SCAMP1: variants seen among roughly 807,000 people sequenced by gnomAD.
SCAMP1 encodes the protein secretory carrier-associated membrane protein 1.
Under a neutral mutation model 41.8 loss-of-function variants are expected in SCAMP1, and 15 were observed. The observed-to-expected ratio is 0.36, with a 90% CI of 0.24 to 0.55. The LOEUF is 0.55. SCAMP1 is among the 20% of genes least tolerant of loss of function. The probability of loss-of-function intolerance (pLI) is 0.86; values close to 1 mark genes in which losing one functional copy is unlikely to be tolerated. For missense variants in SCAMP1, 341 were observed against 412.6 expected (o/e 0.83, Z 1.50); for synonymous variants, 135 against 136.8 (o/e 0.99, Z 0.09).
chr5:78,397,695 T>C (rs948927617), intron 2 of SCAMP1, among the ~76,000 whole-genome samples: 1 of 152,132 alleles, frequency 6.6e-6, no homozygotes, highest in African/African-American at 2.4e-5. Context: ...CTGAGGTGGA[T>C]GGATCATTTG....
chr5:78,389,165 T>C lies in SCAMP1; in HGVS notation c.135+251T>C, dbSNP rs187521504. Reference sequence around the variant, plus strand: ...TTACAGATTAAATCACAATAATCTTTCTAAAATGTAAACTTTTCCACATTA... The same window carrying C: ...TTACAGATTAAATCACAATAATCTTCCTAAAATGTAAACTTTTCCACATTA... On this transcript the variant is annotated intron_variant, in intron 2 of 8. Coordinates refer to ENST00000621999, the MANE Select transcript of SCAMP1 (RefSeq NM_004866.6). 8.1e-4 allele frequency among the ~76,000 whole-genome samples: 123 copies of C among 152,380 alleles called. 1 individual carries two copies. The highest frequency in any genetic ancestry group is 1.5e-3 in the Non-Finnish European group (100 of 68,044).
intron 2 of SCAMP1, among the ~76,000 whole-genome samples, chr5:78,399,269 G>T (rs1173187026): frequency 6.6e-6 from 1 of 152,196 alleles, no homozygotes; most frequent in Non-Finnish European, 1.5e-5. Context: ...GAATAGAGCT[G>T]CTATAAATAA....
At chr5:78,440,078 A>T (rs935208981) in intron 6 of SCAMP1, among the ~76,000 whole-genome samples, 2 of 152,056 alleles carry the variant, frequency 1.3e-5, no homozygotes, top group African/African-American at 4.8e-5. Flanking sequence ...GGTCTTCTCT[A>T]TGCTGTTTAT....
intron 6 of SCAMP1, among the ~76,000 whole-genome samples, chr5:78,424,192 T>C (rs1250057519): frequency 1.3e-5 from 2 of 152,036 alleles, no homozygotes; most frequent in African/African-American, 4.8e-5. Context: ...GGAATACTTT[T>C]TATGGGGAAA....
chr5:78,440,434 G>T (rs1449774046), intron 6 of SCAMP1, among the ~76,000 whole-genome samples: 1 of 152,198 alleles, frequency 6.6e-6, no homozygotes, highest in Non-Finnish European at 1.5e-5. Flanking sequence ...TTAACAGTCA[G>T]GACTGTCAGC....
chr5:78,442,778 T>G (rs1357950308), intron 6 of SCAMP1, among the ~76,000 whole-genome samples: 2 of 152,264 alleles, frequency 1.3e-5, no homozygotes, highest in African/African-American at 4.8e-5. Context: ...TTCTCCTATA[T>G]ATAAGAAACA....
At position 78,366,856 on chromosome 5, in the gene SCAMP1, C is replaced by T. The variant is rs1367366038; in HGVS notation, c.57+6128C>T. Among the ~76,000 whole-genome samples the T allele has an allele frequency of 2.7e-5, 4 of 147,864 alleles. No individual in the cohort carries two copies. In the East Asian group the frequency reaches 7.9e-4, roughly 29 times the overall value. ...TAAAAGTTAGCTGGGTGTGGTGGTG[C>T]ACACCTGTAATCTAAGCTACTTGGG... is the stretch of plus-strand genomic sequence containing the variant. On this transcript the variant is annotated intron_variant, in intron 1 of 8. Transcript: ENST00000621999.
intron 2 of SCAMP1, among the ~76,000 whole-genome samples, chr5:78,408,157 G>T (rs1047618673): frequency 2.0e-5 from 3 of 152,176 alleles, no homozygotes; most frequent in Non-Finnish European, 4.4e-5. Flanking sequence ...TAATGGACTT[G>T]CAGTTCTACA....
chr5:78,371,794 G>T (rs1191064829), intron 1 of SCAMP1, among the ~76,000 whole-genome samples: 2 of 152,054 alleles, frequency 1.3e-5, no homozygotes, highest in African/African-American at 4.8e-5. Context: ...TTATTTTACA[G>T]AATACAGTTG....
At chr5:78,458,371 TATCTC>T (rs1382030030) in intron 7 of SCAMP1, among the ~76,000 whole-genome samples, 1 of 152,214 alleles carries the variant, frequency 6.6e-6, no homozygotes, top group Non-Finnish European at 1.5e-5. Context: ...TGTGTAGTGA[TATCTC>T]ATTGTGGTTT....
Position 78,475,487 on chromosome 5 carries a change from T to C in SCAMP1, c.853-17T>C, listed in dbSNP as rs376938874. 6 of 1,546,558 alleles carry C rather than the reference T, an allele frequency of 3.9e-6. No homozygotes were observed. The highest frequency in any genetic ancestry group is 1.4e-5 in the African/African-American group (1 of 72,312). Reference sequence around the variant, plus strand: ...AGGTTGCTACTTACCTTCTCCCACTTTTTTGTGCCTCTGTAGGTACATGGA... The same window carrying C: ...AGGTTGCTACTTACCTTCTCCCACTCTTTTGTGCCTCTGTAGGTACATGGA... On this transcript the variant is annotated splice_polypyrimidine_tract_variant and intron_variant, in intron 8 of 8. Coordinates refer to ENST00000621999, the MANE Select transcript of SCAMP1 (RefSeq NM_004866.6).
At position 78,475,717 on chromosome 5, in the gene SCAMP1, A is replaced by G. The variant is rs548633309; in HGVS notation, c.*49A>G. ...ACCTTTTGACTGTACCTTTTTCTCC[A>G]GTTACTGTATTCTACAAATATTTTT... On this transcript the variant is annotated 3_prime_UTR_variant, in exon 9 of 9. Coordinates refer to ENST00000621999, the MANE Select transcript of SCAMP1 (RefSeq NM_004866.6). The G allele has an allele frequency of 2.2e-6, 3 of 1,352,848 alleles. No individual in the cohort carries two copies. Among genetic ancestry groups the G allele is most frequent in the Admixed American group, 3.1e-5 (1 of 32,286 alleles). The allele number at this position is 1,352,848 out of a possible 1,614,324, so 83.8% of individuals were successfully genotyped here. A position where few individuals can be genotyped will look rare whatever the true frequency, so the allele number is the denominator to read the frequency against.
intron 7 of SCAMP1, among the ~76,000 whole-genome samples, chr5:78,454,574 A>C (rs1447212755): frequency 1.3e-5 from 2 of 151,844 alleles, no homozygotes; most frequent in Non-Finnish European, 2.9e-5. Flanking sequence ...GTGCTGCTGG[A>C]TTCGTTTTGC....
At chr5:78,404,559 T>C (rs924782788) in intron 2 of SCAMP1, among the ~76,000 whole-genome samples, 1 of 147,664 alleles carries the variant, frequency 6.8e-6, no homozygotes, top group Admixed American at 6.8e-5. Context: ...AGAAGCACTC[T>C]ATAGTCCTGT....
At chr5:78,457,537 C>A (rs562737994) in intron 7 of SCAMP1, among the ~76,000 whole-genome samples, 110 of 152,276 alleles carry the variant, frequency 7.2e-4, no homozygotes, top group African/African-American at 2.4e-3. Context: ...AGGCAGTCTG[C>A]CCGTTCTCAG....
At chr5:78,460,353 C>T (rs1044131341) in intron 8 of SCAMP1, among the ~76,000 whole-genome samples, 1 of 152,180 alleles carries the variant, frequency 6.6e-6, no homozygotes, top group African/African-American at 2.4e-5. Flanking sequence ...AGAAGTAGAA[C>T]AAATTTATAT....
At chr5:78,370,399 G>A (rs1012945743) in intron 1 of SCAMP1, among the ~76,000 whole-genome samples, 6 of 152,126 alleles carry the variant, frequency 3.9e-5, no homozygotes, top group African/African-American at 1.4e-4. Context: ...TTCCTACTGA[G>A]GCAGTCTGTA....
chr5:78,459,339 A>T lies in SCAMP1; in HGVS notation c.829A>T (p.Ile277Phe). The T allele has an allele frequency of 6.4e-7, 1 of 1,568,388 alleles. No homozygotes were observed. Reference sequence around the variant, plus strand: ...AGCACTTTTCACAGCATCAGCAGTCATCTCACTAGTTATGTTCAAAAAAGT... The same window carrying T: ...AGCACTTTTCACAGCATCAGCAGTCTTCTCACTAGTTATGTTCAAAAAAGT... ...IAALFTASAV[I>F]SLVMFKKVHG... Residue 277 changes from isoleucine (I) to phenylalanine (F), a missense_variant, in exon 8 of 9, where the codon ATC becomes TTC. Ile to Phe is a conservative substitution (Grantham distance 21). Transcript: ENST00000621999.
At chr5:78,393,897 C>G (rs60568704) in intron 2 of SCAMP1, among the ~76,000 whole-genome samples, 42,880 of 151,890 alleles carry the variant, frequency 0.28, 6,366 homozygotes, top group East Asian at 0.54. Flanking sequence ...TGGCTTTAGA[C>G]AGAATTTTTT....
Sources: allele counts gnomAD v4.1 joint callset (sites outside exome capture counted in the v4.1 genomes callset), GRCh38; gene constraint gnomAD v4.1.1; transcripts MANE v1.5; gene names NCBI Gene and HGNC (gene_info 2026-07-23, HGNC 2026-07-21).